Variants in ANKRD30B observed in about 807,000 individuals in gnomAD.
The protein encoded by ANKRD30B is ankyrin repeat domain-containing protein 30B.
ANKRD30B carries 144 observed loss-of-function variants against 202.2 expected under a neutral mutation model. That is an observed-to-expected ratio of 0.71 (90% CI 0.62 to 0.82). The LOEUF is 0.82. ANKRD30B is among the 40% of genes least tolerant of loss of function. The pLI is 0.00. For missense variants in ANKRD30B, 1,487 were observed against 1,669.1 expected (o/e 0.89, Z 1.90); for synonymous variants, 508 against 561.3 (o/e 0.91, Z 1.34).
intron 15 of ANKRD30B, among the ~76,000 whole-genome samples, chr18:14,787,417 C>T (rs1309311251): frequency 2.0e-5 from 3 of 152,138 alleles, no homozygotes; most frequent in African/African-American, 7.2e-5. Flanking sequence ...CTGAGTCCAG[C>T]TATGGGCAAA....
the ANKRD30B span, among the ~76,000 whole-genome samples, chr18:14,915,109 G>A: frequency 2.6e-5 from 4 of 152,138 alleles, no homozygotes; most frequent in African/African-American, 7.2e-5. Flanking sequence ...TGATCTCCAT[G>A]CTCCCCCCAC....
At chr18:14,844,873 T>C in intron 39 of ANKRD30B, among the ~76,000 whole-genome samples, 1 of 152,052 alleles carries the variant, frequency 6.6e-6, no homozygotes. Flanking sequence ...GTTGGCTGCA[T>C]AAATGTCTTC....
At chr18:14,876,635 T>C in the ANKRD30B span, among the ~76,000 whole-genome samples, 461 of 152,304 alleles carry the variant, frequency 3.0e-3, 2 homozygotes, top group South Asian at 4.2e-3. Flanking sequence ...ACAAATGCTT[T>C]TAAAGGCATG....
chr18:14,931,974 T>TCCC, the ANKRD30B span, among the ~76,000 whole-genome samples: 10 of 10,246 alleles, frequency 9.8e-4, 1 homozygote, highest in Non-Finnish European at 1.6e-3. Context: ...CTCCCTCCTG[T>TCCC]ACTGTCCCAG....
chr18:14,828,579 C>T (rs1338310928), intron 33 of ANKRD30B, among the ~76,000 whole-genome samples: 1 of 152,178 alleles, frequency 6.6e-6, no homozygotes, highest in African/African-American at 2.4e-5. Flanking sequence ...TTGCCATCTG[C>T]TTACCTTGCT....
In ANKRD30B at chr18:14,769,398, C is replaced by T. The variant is rs372563861; in HGVS notation, c.1256+25C>T. ...GGTAAGACTTTGCGGTTTTTTAAAACGAATAGGTTAACTCAGAAAACATAG... is the reference window on the plus strand; with the variant it reads ...GGTAAGACTTTGCGGTTTTTTAAAATGAATAGGTTAACTCAGAAAACATAG... On this transcript the variant is annotated intron_variant, in intron 8 of 43. Coordinates refer to ENST00000690538, the MANE Select transcript of ANKRD30B (RefSeq NM_001367607.2). 1.1e-4 allele frequency: 173 copies of T among 1,535,784 alleles called. No homozygotes were observed. In the East Asian group the frequency reaches 2.2e-3, roughly 20 times the overall value.
chr18:14,773,772 C>T (rs1254376660), intron 9 of ANKRD30B, among the ~76,000 whole-genome samples: 1 of 151,862 alleles, frequency 6.6e-6, no homozygotes, highest in East Asian at 1.9e-4. Flanking sequence ...TCTCCTGCCT[C>T]AGCCTCCTGT....
At chr18:14,897,136 G>T in the ANKRD30B span, among the ~76,000 whole-genome samples, 1 of 152,116 alleles carries the variant, frequency 6.6e-6, no homozygotes. Context: ...CTATGTGCAA[G>T]GCCATGGAAG....
chr18:14,940,023 G>T, the ANKRD30B span, among the ~76,000 whole-genome samples: 329 of 152,312 alleles, frequency 2.2e-3, 1 homozygote, highest in African/African-American at 7.5e-3. Flanking sequence ...AGCCGACATC[G>T]TTGACTCCTT....
At chr18:14,842,066 A>G (rs537035128) in intron 37 of ANKRD30B, among the ~76,000 whole-genome samples, 2 of 152,288 alleles carry the variant, frequency 1.3e-5, no homozygotes, top group Admixed American at 6.5e-5. Flanking sequence ...GAAACAAAAA[A>G]TTACAGAATT....
intron 16 of ANKRD30B, among the ~76,000 whole-genome samples, chr18:14,792,097 GTA>G: frequency 6.6e-6 from 1 of 152,120 alleles, no homozygotes; most frequent in East Asian, 1.9e-4. Context: ...TATACACTCC[GTA>G]TAGACCATAA....
intron 34 of ANKRD30B, 65 bp downstream of exon 34, chr18:14,831,520 T>G (rs1970939329): frequency 2.3e-6 from 2 of 855,954 alleles, no homozygotes; most frequent in South Asian, 3.5e-5. Flanking sequence ...GTATTTACTT[T>G]TCATGTTTAG....
At chr18:14,871,068 C>A in the ANKRD30B span, among the ~76,000 whole-genome samples, 1 of 118,852 alleles carries the variant, frequency 8.4e-6, no homozygotes, top group Non-Finnish European at 1.8e-5. Context: ...CCCACACACC[C>A]CCACCCACAG....
chr18:14,774,786 A>G (rs2143817411), intron 9 of ANKRD30B, among the ~76,000 whole-genome samples: 1 of 152,182 alleles, frequency 6.6e-6, no homozygotes, highest in African/African-American at 2.4e-5. Context: ...AATACTATAA[A>G]CTACGTAAGA....
At chr18:14,879,775 CAGGGTCAGGGGTTA>C in the ANKRD30B span, among the ~76,000 whole-genome samples, 2 of 150,714 alleles carry the variant, frequency 1.3e-5, no homozygotes, top group Admixed American at 1.3e-4. Flanking sequence ...GGATAGGGGT[CAGGGTCAGGGGTTA>C]AGGGTCAGGG....
At chr18:14,850,780 T>C (rs1376772152) in intron 41 of ANKRD30B, among the ~76,000 whole-genome samples, 1 of 151,912 alleles carries the variant, frequency 6.6e-6, no homozygotes, top group East Asian at 1.9e-4. Flanking sequence ...CTAGATTTTA[T>C]CTTCTTTACC....
At chr18:14,888,773 A>G in the ANKRD30B span, 3 of 1,129,662 alleles carry the variant, frequency 2.7e-6, no homozygotes, top group Non-Finnish European at 3.8e-6. Context: ...TCTTAGAGGA[A>G]TCCCCTTTTG....
In ANKRD30B at chr18:14,748,498, A is replaced by G. The variant is rs1344857252; in HGVS notation, c.79A>G (p.Thr27Ala). 2.6e-6 allele frequency: 4 copies of G among 1,551,458 alleles called. No homozygotes were observed. Among genetic ancestry groups the G allele is most frequent in the East Asian group, 4.9e-5 (2 of 40,918 alleles). Residue 27 changes from threonine (T) to alanine (A), a missense_variant, in exon 1 of 44, where the codon ACT becomes GCT. Coordinates refer to ENST00000690538, the MANE Select transcript of ANKRD30B (RefSeq NM_001367607.2). ...GAACCCCTTCAGCGAACGGGTCTAC[A>G]CTGAGAAGGACTACGGGACCATCTA... ...PPNPFSERVY[T>A]EKDYGTIYFG...
chr18:14,862,065 T>G, the ANKRD30B span, among the ~76,000 whole-genome samples: 1 of 151,998 alleles, frequency 6.6e-6, no homozygotes, highest in Admixed American at 6.5e-5. Context: ...AGGCGGAAAT[T>G]TAAAGAAATT....
Sources: allele counts gnomAD v4.1 joint callset (sites outside exome capture counted in the v4.1 genomes callset), GRCh38; gene constraint gnomAD v4.1.1; transcripts MANE v1.5; gene names NCBI Gene and HGNC (gene_info 2026-07-23, HGNC 2026-07-21).